The following DGKB variants were observed in gnomAD, a reference collection of about 807,000 sequenced individuals.
The protein encoded by DGKB is 90 kDa diacylglycerol kinase.
A neutral mutation model predicts 114.3 loss-of-function variants in DGKB; 67 were observed. That is an observed-to-expected ratio of 0.59 (90% CI 0.48 to 0.72). The LOEUF (loss-of-function observed/expected upper bound fraction) is 0.72, where lower values mean the gene tolerates loss of function less well. DGKB is among the 30% of genes least tolerant of loss of function. The pLI, the probability that DGKB is intolerant of heterozygous loss-of-function variation, is 0.00. For missense variants in DGKB, 907 were observed against 975.2 expected (o/e 0.93, Z 0.93); for synonymous variants, 398 against 323.1 (o/e 1.23, Z -2.49).
At chr7:14,907,230 A>G (rs1206116113), upstream of DGKB, among the ~76,000 whole-genome samples, 1 of 152,194 alleles carries the variant, frequency 6.6e-6, no homozygotes, top group Non-Finnish European at 1.5e-5. Flanking sequence ...TTTGGGTCCA[A>G]TTCTCCTCTT....
At chr7:14,629,842 TTGAAAC>T in intron 14 of DGKB, among the ~76,000 whole-genome samples, 1 of 152,238 alleles carries the variant, frequency 6.6e-6, no homozygotes, top group Non-Finnish European at 1.5e-5. Context: ...CATACTGCCA[TTGAAAC>T]TTATATTTTG....
chr7:14,716,364 C>G (rs1828186944), intron 6 of DGKB, among the ~76,000 whole-genome samples: 4 of 152,164 alleles, frequency 2.6e-5, no homozygotes, highest in African/African-American at 9.7e-5. Flanking sequence ...AACCTCTAAC[C>G]TAAATCAAAT....
intron 1 of DGKB, among the ~76,000 whole-genome samples, chr7:14,900,376 G>A (rs895363977): frequency 6.6e-6 from 1 of 152,124 alleles, no homozygotes; most frequent in Non-Finnish European, 1.5e-5. Flanking sequence ...CTACTCTTTA[G>A]AGAATACTGC....
intron 24 of DGKB, among the ~76,000 whole-genome samples, chr7:14,177,582 T>TAAAAAAAAAAAAAAAAAAAAAAA (rs1781970211): frequency 8.9e-6 from 1 of 111,826 alleles, no homozygotes; most frequent in Non-Finnish European, 1.9e-5. Flanking sequence ...AAAAAAAAAT[T>TAAAAAAAAAAAAAAAAAAAAAAA]GGGGGGAAAT....
chr7:14,882,608 T>G (rs2128215461), intron 1 of DGKB, among the ~76,000 whole-genome samples: 1 of 152,096 alleles, frequency 6.6e-6, no homozygotes, highest in South Asian at 2.1e-4. Flanking sequence ...TTCTCCCTTC[T>G]GAGTCTCTAT....
chr7:14,833,312 AATCTTCAAT>A lies in DGKB; in HGVS notation c.70+7873_70+7881del, dbSNP rs1005814017. Among the ~76,000 whole-genome samples, 25 of 152,296 alleles carry A rather than the reference AATCTTCAAT, an allele frequency of 1.6e-4. 1 individual carries two copies. In the East Asian group the frequency reaches 4.8e-3, roughly 29 times the overall value. On this transcript the variant is annotated intron_variant, in intron 2 of 25. Transcript: ENST00000402815. ...ACAATTTTGCTATCTCCAGAATTAA[AATCTTCAAT>A]ATCTTCAGATATTTTACTACCTCCA... is the stretch of plus-strand genomic sequence containing the variant.
chr7:14,509,442 A>G (rs1308353952), intron 20 of DGKB, among the ~76,000 whole-genome samples: 1 of 152,160 alleles, frequency 6.6e-6, no homozygotes, highest in Non-Finnish European at 1.5e-5. Context: ...AGTATAATCA[A>G]ACATCTTGGC....
intron 5 of DGKB, chr7:14,718,950 G>A: frequency 3.5e-6 from 1 of 285,978 alleles, no homozygotes. Flanking sequence ...ATTACCCTAG[G>A]TGAGTTGGTA....
chr7:14,691,386 C>T (rs1822833609), intron 9 of DGKB, among the ~76,000 whole-genome samples: 1 of 152,160 alleles, frequency 6.6e-6, no homozygotes, highest in Admixed American at 6.6e-5. Context: ...CTTCAAACTG[C>T]AGTATCTAGA....
In DGKB at chr7:14,783,753, GT is replaced by G. The variant is rs1005775192; in HGVS notation, c.71-26023del. Reference sequence around the variant, plus strand: ...AAGGGAAAAAGTAAATACCAAGGATGTTTAGTGCAATTTATTTTCAGATGAG... The same window carrying G: ...AAGGGAAAAAGTAAATACCAAGGATGTTAGTGCAATTTATTTTCAGATGAG... On this transcript the variant is annotated intron_variant, in intron 2 of 25. Transcript: ENST00000402815. Among the ~76,000 whole-genome samples, 9 of 152,316 alleles carry G rather than the reference GT, an allele frequency of 5.9e-5. No homozygotes were observed. The East Asian group carries it at 1.7e-3, about 29-fold the overall frequency.
intron 21 of DGKB, among the ~76,000 whole-genome samples, chr7:14,416,999 T>C (rs1474906272): frequency 5.3e-5 from 8 of 152,196 alleles, no homozygotes; most frequent in Admixed American, 1.3e-4. Context: ...AACAATGAAA[T>C]ATTCTCACAG....
At chr7:14,590,484 A>G (rs1488742275) in intron 17 of DGKB, among the ~76,000 whole-genome samples, 1 of 152,038 alleles carries the variant, frequency 6.6e-6, no homozygotes, top group Non-Finnish European at 1.5e-5. Flanking sequence ...TTCTTTAAAA[A>G]TTGTCATCAT....
chr7:14,672,297 G>T (rs1819091084), intron 13 of DGKB, among the ~76,000 whole-genome samples: 1 of 151,988 alleles, frequency 6.6e-6, no homozygotes, highest in Admixed American at 6.6e-5. Flanking sequence ...AATTTTCAAA[G>T]TAATTTGGGT....
At chr7:14,486,970 A>G (rs1443917023) in intron 20 of DGKB, among the ~76,000 whole-genome samples, 1 of 152,232 alleles carries the variant, frequency 6.6e-6, no homozygotes, top group African/African-American at 2.4e-5. Context: ...AATTTAACTG[A>G]AGTAAAAGAT....
intron 23 of DGKB, among the ~76,000 whole-genome samples, chr7:14,218,723 G>A (rs923701000): frequency 1.3e-5 from 2 of 151,792 alleles, no homozygotes; most frequent in East Asian, 3.9e-4. Flanking sequence ...ACCATTCCCG[G>A]GACAGAGTTT....
chr7:14,772,072 G>A (rs951990190), intron 2 of DGKB, among the ~76,000 whole-genome samples: 9 of 151,988 alleles, frequency 5.9e-5, no homozygotes, highest in African/African-American at 1.7e-4. Context: ...GAGCTGTCCC[G>A]CCTTTCTGAA....
intron 17 of DGKB, among the ~76,000 whole-genome samples, chr7:14,590,524 C>A (rs1005632604): frequency 6.6e-6 from 1 of 152,100 alleles, no homozygotes; most frequent in African/African-American, 2.4e-5. Flanking sequence ...TACCCCCAAA[C>A]ATAAACCCCA....
At chr7:14,818,081 G>T (rs552988093) in intron 2 of DGKB, among the ~76,000 whole-genome samples, 1 of 152,138 alleles carries the variant, frequency 6.6e-6, no homozygotes, top group East Asian at 1.9e-4. Flanking sequence ...TATGACTTTT[G>T]CTAGGAAACC....
chr7:14,169,224 G>T (rs911241500), intron 25 of DGKB, among the ~76,000 whole-genome samples: 10 of 151,744 alleles, frequency 6.6e-5, no homozygotes, highest in Non-Finnish European at 1.5e-4. Flanking sequence ...AATTAGCCAG[G>T]TGTGGTGGCG....
Sources: gnomAD v4.1 joint callset for allele counts (sites outside exome capture counted in the v4.1 genomes callset) on GRCh38, gnomAD v4.1.1 for gene constraint, MANE v1.5 for transcripts, NCBI Gene and HGNC (gene_info 2026-07-23, HGNC 2026-07-21) for gene names.